The following CASC3 variants were observed in gnomAD, a reference collection of about 807,000 sequenced individuals.
CASC3 encodes the protein protein CASC3.
Under a neutral mutation model 80.5 loss-of-function variants are expected in CASC3, and 30 were observed. The ratio of observed to expected loss-of-function variants is 0.37; its 90% confidence interval spans 0.28 to 0.51. The LOEUF is 0.51. Ranked by LOEUF, CASC3 falls within the 20% of genes least tolerant of loss-of-function variation. The pLI is 0.94. For missense variants in CASC3, 824 were observed against 922.2 expected (o/e 0.89, Z 1.38); for synonymous variants, 312 against 333.6 (o/e 0.94, Z 0.70).
intron 3 of CASC3, among the ~76,000 whole-genome samples, chr17:40,147,021 A>G (rs532921037): frequency 1.3e-5 from 2 of 152,314 alleles, no homozygotes; most frequent in South Asian, 4.1e-4. Flanking sequence ...GACAGGCAAT[A>G]TGGAGTGTTC....
At chr17:40,168,679 C>T (rs1989516375) in intron 11 of CASC3, 2 of 416,200 alleles carry the variant, frequency 4.8e-6, no homozygotes, top group South Asian at 4.6e-5. Context: ...TAACCTCCAC[C>T]TCTTGGGTTC....
At chr17:40,141,296 T>G (rs974424788) in intron 2 of CASC3, 62 bp downstream of exon 2, 5 of 1,446,416 alleles carry the variant, frequency 3.5e-6, no homozygotes, top group Non-Finnish European at 3.9e-6. Context: ...TCAGGTCATC[T>G]ATTTCCAACA....
chr17:40,147,234 G>A (rs945783475), intron 3 of CASC3, among the ~76,000 whole-genome samples: 7 of 152,170 alleles, frequency 4.6e-5, no homozygotes, highest in Admixed American at 6.6e-5. Context: ...TGACGATGGT[G>A]CCCCTAAAGA....
At chr17:40,141,633 G>T in intron 3 of CASC3, 26 bp downstream of exon 3, 1 of 1,591,060 alleles carries the variant, frequency 6.3e-7, no homozygotes, top group South Asian at 1.1e-5. Flanking sequence ...TTTTTCCTAT[G>T]GTATAGATCA....
At chr17:40,141,489 G>T in intron 2 of CASC3, 81 bp from the exon 3 acceptor site, 1 of 1,164,192 alleles carries the variant, frequency 8.6e-7, no homozygotes, top group South Asian at 1.3e-5. Context: ...AATTAAATGA[G>T]ACTCTTAGTC....
At chr17:40,150,084 TAGAA>T (rs1988961563) in intron 3 of CASC3, among the ~76,000 whole-genome samples, 2 of 151,772 alleles carry the variant, frequency 1.3e-5, no homozygotes, top group Admixed American at 1.3e-4. Context: ...TTTTGTGAAA[TAGAA>T]GGATAGAGCA....
intron 2 of CASC3, 57 bp from the exon 3 acceptor site, chr17:40,141,513 G>T: frequency 2.7e-6 from 4 of 1,473,974 alleles, no homozygotes; most frequent in Non-Finnish European, 3.8e-6. Flanking sequence ...CCTGTAATAA[G>T]CAGCCAAAAA....
intron 6 of CASC3, 129 bp downstream of exon 6, chr17:40,163,030 G>C: frequency 1.5e-6 from 1 of 670,444 alleles, no homozygotes; most frequent in Admixed American, 2.8e-5. Context: ...AGACCAGCCT[G>C]GGGAACATAG....
chr17:40,150,415 C>CGTGTGTGT (rs10545573), intron 3 of CASC3, among the ~76,000 whole-genome samples: 2,074 of 149,026 alleles, frequency 0.014, 68 homozygotes, highest in African/African-American at 0.048. Context: ...AGAGTGTGTG[C>CGTGTGTGT]GTGTGTGTGT....
intron 3 of CASC3, among the ~76,000 whole-genome samples, chr17:40,151,503 C>T (rs1362536469): frequency 1.3e-5 from 2 of 151,964 alleles, no homozygotes; most frequent in African/African-American, 2.4e-5. Flanking sequence ...TAAGTCACCA[C>T]GCCTGGCCCG....
chr17:40,161,098 G>C (rs1415451094), intron 3 of CASC3, among the ~76,000 whole-genome samples: 1 of 151,868 alleles, frequency 6.6e-6, no homozygotes, highest in Non-Finnish European at 1.5e-5. Context: ...TCCTGCCTCA[G>C]CCTCCCGAGC....
chr17:40,147,192 G>C (rs1033897142), intron 3 of CASC3, among the ~76,000 whole-genome samples: 3 of 152,198 alleles, frequency 2.0e-5, no homozygotes, highest in Non-Finnish European at 4.4e-5. Context: ...CAGAAGAGCT[G>C]TTTAGAGGTT....
At chr17:40,161,691 G>T (rs1989304453) in intron 3 of CASC3, 62 bp from the exon 4 acceptor site, 3 of 1,449,400 alleles carry the variant, frequency 2.1e-6, no homozygotes, top group Non-Finnish European at 1.9e-6. Flanking sequence ...GGGGGCAGGG[G>T]TGGGAATTAA....
chr17:40,157,821 A>G lies in CASC3; in HGVS notation c.298-3932A>G, dbSNP rs573987384. Among the ~76,000 whole-genome samples the G allele has an allele frequency of 7.2e-4, 110 of 152,336 alleles. 1 individual carries two copies. In the South Asian group the frequency reaches 0.02, roughly 28 times the overall value. ...TAACATAAACAGTCAGTGAATATGT[A>G]TTTTATATTTTATGTGTATTATGTA... On this transcript the variant is annotated intron_variant, in intron 3 of 13. Coordinates refer to ENST00000264645, the MANE Select transcript of CASC3 (RefSeq NM_007359.5).
At chr17:40,166,982 A>C in intron 8 of CASC3, 121 bp downstream of exon 8, 1 of 715,958 alleles carries the variant, frequency 1.4e-6, no homozygotes, top group Non-Finnish European at 2.2e-6. Context: ...TTTTTGAGAC[A>C]GAGTCTCGCT....
intron 11 of CASC3, chr17:40,168,832 C>A: frequency 4.5e-6 from 1 of 224,044 alleles, no homozygotes; most frequent in Non-Finnish European, 9.0e-6. Context: ...TCAACCGATC[C>A]ACCTGCCTCG....
At chr17:40,150,713 TA>T (rs1364289634) in intron 3 of CASC3, among the ~76,000 whole-genome samples, 2 of 152,122 alleles carry the variant, frequency 1.3e-5, no homozygotes, top group Admixed American at 6.5e-5. Context: ...GGCATTTTTT[TA>T]AAAAACTGCT....
At position 40,169,601 on chromosome 17, in the gene CASC3, G is replaced by GT. The variant is rs780408447; in HGVS notation, c.2093dup (p.Ser699LysfsTer16). On this transcript the variant is annotated frameshift_variant, in exon 13 of 14. Coordinates refer to ENST00000264645, the MANE Select transcript of CASC3 (RefSeq NM_007359.5). LOFTEE classifies it high-confidence loss of function. ...AATTCCAACTTTGTTATTTCAGGTTGTAAGCAGGGGTTCCAGTTAATACAA... is the reference window on the plus strand; with the variant it reads ...AATTCCAACTTTGTTATTTCAGGTTGTTAAGCAGGGGTTCCAGTTAATACAA... 3.8e-6 allele frequency: 6 copies of GT among 1,596,570 alleles called. No individual in the cohort carries two copies. The highest frequency in any genetic ancestry group is 5.1e-6 in the Non-Finnish European group (6 of 1,173,306).
chr17:40,164,303 G>T, intron 7 of CASC3, 137 bp downstream of exon 7: 2 of 820,856 alleles, frequency 2.4e-6, no homozygotes. Flanking sequence ...TCACTCTTTT[G>T]CCCAGGCTGG....
Sources: allele counts gnomAD v4.1 joint callset (sites outside exome capture counted in the v4.1 genomes callset), GRCh38; gene constraint gnomAD v4.1.1; transcripts MANE v1.5; gene names NCBI Gene and HGNC (gene_info 2026-07-23, HGNC 2026-07-21).